ELMOD1: variants seen among roughly 807,000 people sequenced by gnomAD.
The protein encoded by ELMOD1 is ELMO domain-containing protein 1.
A neutral mutation model predicts 46.7 loss-of-function variants in ELMOD1; 21 were observed. That is an observed-to-expected ratio of 0.45 (90% CI 0.32 to 0.65). ELMOD1 has a LOEUF of 0.65. Ranked by LOEUF, ELMOD1 falls within the 30% of genes least tolerant of loss-of-function variation. ELMOD1 has a pLI of 0.04. For missense variants in ELMOD1, 348 were observed against 407.8 expected (o/e 0.85, Z 1.26); for synonymous variants, 122 against 138.2 (o/e 0.88, Z 0.82).
At chr11:107,591,817 A>G (rs1462225724) in intron 1 of ELMOD1, 1 of 471,046 alleles carries the variant, frequency 2.1e-6, no homozygotes, top group East Asian at 7.0e-5. Context: ...GTCCCTGGGA[A>G]CCCCTTGCCT....
Position 107,655,534 on chromosome 11 carries a change from A to G in ELMOD1, c.699-399A>G, listed in dbSNP as rs191310599. Among the ~76,000 whole-genome samples, 4 of 149,490 alleles carry G rather than the reference A, an allele frequency of 2.7e-5. No individual in the cohort carries two copies. In the East Asian group the frequency reaches 7.9e-4, roughly 30 times the overall value. ...GGTGACCTGCCACTCTGATAATTTA[A>G]TAGTAAGTTAAATATCAGATTACCC... is the stretch of plus-strand genomic sequence containing the variant. On this transcript the variant is annotated intron_variant, in intron 10 of 11. Transcript: ENST00000265840.
chr11:107,609,416 G>A (rs1865739751), intron 1 of ELMOD1, among the ~76,000 whole-genome samples: 1 of 152,180 alleles, frequency 6.6e-6, no homozygotes, highest in Non-Finnish European at 1.5e-5. Context: ...GATAAACTTG[G>A]AATGTGAAGA....
intron 1 of ELMOD1, among the ~76,000 whole-genome samples, chr11:107,602,356 G>C (rs1865614793): frequency 6.6e-6 from 1 of 152,130 alleles, no homozygotes; most frequent in Non-Finnish European, 1.5e-5. Context: ...TTGATCCGGA[G>C]ACTCATGTTC....
chr11:107,647,363 C>A (rs911406477), intron 6 of ELMOD1, 105 bp from the exon 7 acceptor site: 2 of 881,418 alleles, frequency 2.3e-6, no homozygotes, highest in African/African-American at 1.7e-5. Context: ...AATGTATATG[C>A]ATACATTCAG....
chr11:107,611,692 C>A (rs1865783116), intron 1 of ELMOD1, among the ~76,000 whole-genome samples: 1 of 126,854 alleles, frequency 7.9e-6, no homozygotes, highest in Admixed American at 8.7e-5. Context: ...GCAACAGAGC[C>A]AGACTCCATC....
At chr11:107,600,335 AC>A (rs1397837673) in intron 1 of ELMOD1, 4 of 152,102 alleles carry the variant, frequency 2.6e-5, no homozygotes, top group African/African-American at 9.7e-5. Flanking sequence ...GTTTTAAGCT[AC>A]TTTAGTCTTT....
At position 107,631,758 on chromosome 11, in the gene ELMOD1, T is replaced by C. The variant is rs1866145585; in HGVS notation, c.290+81T>C. ...TTTAGTGTTTCTCTGTCTCCTCTCT[T>C]TTTTTTTCTCCCTCTCTCCCTAAAA... On this transcript the variant is annotated intron_variant, in intron 5 of 11. Transcript: ENST00000265840. The C allele has an allele frequency of 4.4e-6, 3 of 680,880 alleles. No individual in the cohort carries two copies. The East Asian group carries it at 9.8e-5, about 22-fold the overall frequency. The allele number at this position is 680,880 out of a possible 1,614,324, so 42.2% of individuals were successfully genotyped here.
At chr11:107,616,609 C>A (rs1212374123) in intron 1 of ELMOD1, among the ~76,000 whole-genome samples, 2 of 152,144 alleles carry the variant, frequency 1.3e-5, no homozygotes, top group African/African-American at 2.4e-5. Flanking sequence ...GAACGCCTGA[C>A]CTCAAGTGAT....
In ELMOD1 at chr11:107,647,568, G is replaced by A. The variant is rs547798766; in HGVS notation, c.521G>A (p.Arg174Gln). ...FQGDDPKTDF[R>Q]GMGLLGLYNL... is the part of the protein sequence containing the mutation. ...GGTGATGATCCTAAAACAGACTTTC[G>A]AGGAATGGGACTTCTGGGACTGTAC... The change falls in exon 7 of 12, where the codon CGA (arginine) becomes CAA (glutamine). Residue 174 changes from arginine to glutamine, a missense_variant. Physicochemically the swap from Arg to Gln is conservative, Grantham distance 43 (BLOSUM62 1). Transcript: ENST00000265840. 6 of 1,613,446 alleles carry A rather than the reference G, an allele frequency of 3.7e-6. No individual in the cohort carries two copies. The highest frequency in any genetic ancestry group is 1.1e-5 in the South Asian group (1 of 90,986).
At chr11:107,664,047 G>A (rs568296055) in intron 11 of ELMOD1, among the ~76,000 whole-genome samples, 4 of 152,156 alleles carry the variant, frequency 2.6e-5, no homozygotes, top group Non-Finnish European at 5.9e-5. Flanking sequence ...GTGCAGTGGC[G>A]CAATCACAGC....
At chr11:107,648,719 T>C (rs1866474990) in intron 7 of ELMOD1, among the ~76,000 whole-genome samples, 1 of 152,222 alleles carries the variant, frequency 6.6e-6, no homozygotes, top group Non-Finnish European at 1.5e-5. Flanking sequence ...TGCTTGCCAA[T>C]TCTCAGAGTC....
At chr11:107,655,573 C>CTTTTTTTTT (rs746890763) in intron 10 of ELMOD1, among the ~76,000 whole-genome samples, 2,646 of 112,220 alleles carry the variant, frequency 0.024, 155 homozygotes, top group African/African-American at 0.028. Context: ...ATTGAAATGC[C>CTTTTTTTTT]TTTTTTTTTT....
intron 6 of ELMOD1, among the ~76,000 whole-genome samples, chr11:107,645,565 C>T (rs1231479550): frequency 1.3e-5 from 2 of 150,898 alleles, no homozygotes; most frequent in Non-Finnish European, 3.0e-5. Context: ...CCTGAAGTTA[C>T]CCACCTTTCC....
chr11:107,607,606 G>A (rs1206632227), intron 1 of ELMOD1, among the ~76,000 whole-genome samples: 2 of 152,170 alleles, frequency 1.3e-5, no homozygotes, highest in Non-Finnish European at 2.9e-5. Context: ...ACAGTGAGCT[G>A]TGATTGCACC....
Position 107,591,309 on chromosome 11 carries a change from G to A in ELMOD1, c.-186G>A. The stretch of plus-strand genomic sequence containing the variant: ...GCGCCCGGGACCGAGCGCGTCGCTC[G>A]CCGCCGCGGAGCGCGTAGCCGGAGC... On this transcript the variant is annotated 5_prime_UTR_variant, in exon 1 of 12. Coordinates refer to ENST00000265840, the MANE Select transcript of ELMOD1 (RefSeq NM_018712.4). 1 of 152,304 alleles carries A rather than the reference G, an allele frequency of 6.6e-6. No homozygotes were observed. Among genetic ancestry groups the A allele is most frequent in the Non-Finnish European group, 1.5e-5 (1 of 68,096 alleles). 9.4% of individuals were successfully genotyped at this position (152,304 alleles called of 1,614,324 possible). A position where few individuals can be genotyped will look rare whatever the true frequency, so the allele number is the denominator to read the frequency against.
At chr11:107,617,133 G>A (rs1394336778) in intron 1 of ELMOD1, among the ~76,000 whole-genome samples, 1 of 152,000 alleles carries the variant, frequency 6.6e-6, no homozygotes, top group African/African-American at 2.4e-5. Flanking sequence ...CTTCCCAAAA[G>A]CAACCACAGT....
At chr11:107,609,718 C>A (rs181886773) in intron 1 of ELMOD1, among the ~76,000 whole-genome samples, 143 of 152,230 alleles carry the variant, frequency 9.4e-4, no homozygotes, top group Admixed American at 2.4e-3. Flanking sequence ...GAAAAAAAGA[C>A]AAGAGGCAGA....
intron 11 of ELMOD1, among the ~76,000 whole-genome samples, chr11:107,656,471 T>A (rs925969068): frequency 2.0e-5 from 3 of 148,120 alleles, no homozygotes; most frequent in South Asian, 2.1e-4. Flanking sequence ...TATATGTATT[T>A]TATATATATA....
chr11:107,598,103 C>G (rs1002342064), intron 1 of ELMOD1, among the ~76,000 whole-genome samples: 3 of 152,134 alleles, frequency 2.0e-5, no homozygotes, highest in African/African-American at 7.2e-5. Flanking sequence ...CCATCTGAAT[C>G]TCTTTTCCAT....
Sources: gnomAD v4.1 joint callset for allele counts (sites outside exome capture counted in the v4.1 genomes callset) on GRCh38, gnomAD v4.1.1 for gene constraint, MANE v1.5 for transcripts, NCBI Gene and HGNC (gene_info 2026-07-23, HGNC 2026-07-21) for gene names.